The following NCF2 variants were observed in gnomAD, a reference collection of about 807,000 sequenced individuals.
NCF2 encodes neutrophil cytosolic factor 2, also known as neutrophil cytosol factor 2.
NCF2 carries 45 observed loss-of-function variants against 70.9 expected under a neutral mutation model. The observed-to-expected ratio is 0.63, with a 90% CI of 0.50 to 0.81. NCF2 has a LOEUF of 0.81. Ranked by LOEUF, NCF2 falls within the 40% of genes least tolerant of loss-of-function variation. The pLI is 0.00. For missense variants in NCF2, 522 were observed against 631.6 expected, an observed-to-expected ratio of 0.83 and a Z score of 1.86; for synonymous variants, 203 against 233.6, an observed-to-expected ratio of 0.87 and a Z score of 1.19.
chr1:183,587,909 A>G (rs1176498426), intron 1 of NCF2, among the ~76,000 whole-genome samples: 1 of 152,180 alleles, frequency 6.6e-6, no homozygotes, highest in East Asian at 1.9e-4. Context: ...CCTCATTCCC[A>G]AGTTCCTTTT....
chr1:183,581,414 A>T (rs1362465350), intron 2 of NCF2, among the ~76,000 whole-genome samples: 1 of 151,750 alleles, frequency 6.6e-6, no homozygotes, highest in East Asian at 1.9e-4. Context: ...CAGGAGGATC[A>T]CTTGAGCCCA....
chr1:183,590,411 G>T lies in NCF2; in HGVS notation c.-82C>A. ...TTGGAGCGTCTCCCCTAGCAGGGCT[G>T]CCTTAGTGGCCCCCAAGGTGTTCAC... On this transcript the variant is annotated 5_prime_UTR_variant, in exon 1 of 15. Coordinates refer to ENST00000367535, the MANE Select transcript of NCF2 (RefSeq NM_000433.4). 2 of 1,490,674 alleles carry T rather than the reference G, an allele frequency of 1.3e-6. No individual in the cohort carries two copies. Among genetic ancestry groups the T allele is most frequent in the Non-Finnish European group, 1.9e-6 (2 of 1,075,226 alleles). The allele number at this position is 1,490,674 out of a possible 1,614,324, so 92.3% of individuals were successfully genotyped here. A position where few individuals can be genotyped will look rare whatever the true frequency, so the allele number is the denominator to read the frequency against.
At chr1:183,595,329 A>G (rs1673745976), upstream of NCF2, among the ~76,000 whole-genome samples, 1 of 152,234 alleles carries the variant, frequency 6.6e-6, no homozygotes, top group African/African-American at 2.4e-5. Context: ...TGCTATTGAA[A>G]GCCTCAGGGC....
chr1:183,581,611 G>A (rs897556122), intron 2 of NCF2, among the ~76,000 whole-genome samples: 2 of 151,710 alleles, frequency 1.3e-5, no homozygotes, highest in Non-Finnish European at 2.9e-5. Flanking sequence ...CTGCAACTGT[G>A]AGCCACTGCA....
At chr1:183,599,444 T>TTCTTTCTTTC in the NCF2 span, among the ~76,000 whole-genome samples, 1 of 103,660 alleles carries the variant, frequency 9.6e-6, no homozygotes, top group Admixed American at 1.1e-4. Flanking sequence ...CTTTCTTTCT[T>TTCTTTCTTTC]TCTTTCTTTC....
At chr1:183,568,008 C>A (rs1672387426) in intron 7 of NCF2, among the ~76,000 whole-genome samples, 2 of 152,130 alleles carry the variant, frequency 1.3e-5, no homozygotes, top group Non-Finnish European at 2.9e-5. Flanking sequence ...AGGCTTCCCT[C>A]CCTTTACTCC....
intron 2 of NCF2, among the ~76,000 whole-genome samples, chr1:183,581,300 AAG>A (rs2102921184): frequency 9.1e-5 from 13 of 142,696 alleles, no homozygotes; most frequent in Admixed American, 9.0e-4. Context: ...AAAAAAAAGA[AAG>A]AAAGAAAGAA....
chr1:183,573,377 G>T, intron 4 of NCF2, 85 bp from the exon 5 acceptor site: 1 of 1,199,254 alleles, frequency 8.3e-7, no homozygotes. Context: ...ATAGATGCAA[G>T]AATTCATTGA....
chr1:183,591,985 T>C (rs1319038530), upstream of NCF2, among the ~76,000 whole-genome samples: 1 of 152,212 alleles, frequency 6.6e-6, no homozygotes, highest in African/African-American at 2.4e-5. Context: ...TTTCCTTGCT[T>C]TTCCAGAAAA....
At chr1:183,594,472 G>C (rs147126259), upstream of NCF2, among the ~76,000 whole-genome samples, 6 of 152,194 alleles carry the variant, frequency 3.9e-5, no homozygotes, top group East Asian at 1.2e-3. Flanking sequence ...TTTCTTGTTT[G>C]GTTAGATAAT....
At chr1:183,593,007 C>T (rs943554823), upstream of NCF2, among the ~76,000 whole-genome samples, 1 of 152,202 alleles carries the variant, frequency 6.6e-6, no homozygotes, top group Non-Finnish European at 1.5e-5. Context: ...TAACACACTG[C>T]CCTGAAATCA....
chr1:183,596,741 TAA>T, the NCF2 span, among the ~76,000 whole-genome samples: 66 of 146,342 alleles, frequency 4.5e-4, no homozygotes, highest in East Asian at 1.8e-3. Context: ...GACTCCATCT[TAA>T]AAAAAAAAAA....
At chr1:183,581,281 C>CAAAAAAAAAA (rs1303349542) in intron 2 of NCF2, among the ~76,000 whole-genome samples, 1 of 66,872 alleles carries the variant, frequency 1.5e-5, no homozygotes, top group Non-Finnish European at 2.5e-5. Context: ...AATCCTGACT[C>CAAAAAAAAAA]AAAAAAAAAA....
chr1:183,587,861 A>G lies in NCF2; in HGVS notation c.175-884T>C, dbSNP rs182762369. Among the ~76,000 whole-genome samples, 7 of 152,246 alleles carry G rather than the reference A, an allele frequency of 4.6e-5. No individual in the cohort carries two copies. The East Asian group carries it at 1.2e-3, about 25-fold the overall frequency. ...TTTACCTGATACTAATAAAAAATACATATCTATATTTAAAATATAGTTAGT... is the reference window on the plus strand; with the variant it reads ...TTTACCTGATACTAATAAAAAATACGTATCTATATTTAAAATATAGTTAGT... On this transcript the variant is annotated intron_variant, in intron 1 of 14. Transcript: ENST00000367535.
At chr1:183,564,225 A>G (rs1672206666) in intron 10 of NCF2, among the ~76,000 whole-genome samples, 195 bp from the exon 11 acceptor site, 1 of 152,180 alleles carries the variant, frequency 6.6e-6, no homozygotes, top group Admixed American at 6.5e-5. Flanking sequence ...TCATGAACAC[A>G]TGAACAAACT....
chr1:183,572,936 C>T (rs985588304), intron 5 of NCF2, among the ~76,000 whole-genome samples: 3 of 152,204 alleles, frequency 2.0e-5, no homozygotes, highest in Non-Finnish European at 4.4e-5. Context: ...GACTCAGCAT[C>T]CTGTGAGTAA....
intron 2 of NCF2, among the ~76,000 whole-genome samples, chr1:183,585,314 T>C (rs699240): frequency 0.44 from 67,501 of 151,850 alleles, 15,437 homozygotes; most frequent in African/African-American, 0.52. Context: ...CATGCACAGA[T>C]CATTTTCACT....
chr1:183,576,315 C>T (rs1436483199), intron 3 of NCF2, among the ~76,000 whole-genome samples: 2 of 152,166 alleles, frequency 1.3e-5, no homozygotes, highest in Non-Finnish European at 2.9e-5. Context: ...GGAAACATTC[C>T]TCCCATGGAA....
chr1:183,574,709 T>C (rs1672722229), intron 3 of NCF2, 88 bp from the exon 4 acceptor site: 2 of 1,503,840 alleles, frequency 1.3e-6, no homozygotes, highest in East Asian at 4.5e-5. Context: ...TCTGAGAATG[T>C]TGCCTGGTAG....
Sources: gnomAD v4.1 joint callset for allele counts (sites outside exome capture counted in the v4.1 genomes callset) on GRCh38, gnomAD v4.1.1 for gene constraint, MANE v1.5 for transcripts, NCBI Gene and HGNC (gene_info 2026-07-23, HGNC 2026-07-21) for gene names.